The following RIMS2 variants were observed in gnomAD, a reference collection of about 807,000 sequenced individuals.
The protein encoded by RIMS2 is regulating synaptic membrane exocytosis 2.
Under a neutral mutation model 174.4 loss-of-function variants are expected in RIMS2, and 59 were observed. That is an observed-to-expected ratio of 0.34 (90% CI 0.27 to 0.42). The LOEUF (loss-of-function observed/expected upper bound fraction) is 0.42, where lower values mean the gene tolerates loss of function less well. Ranked by LOEUF, RIMS2 falls within the 10% of genes least tolerant of loss-of-function variation. RIMS2 has a pLI of 1.00. For synonymous variants in RIMS2, 606 were observed against 572.5 expected (o/e 1.06, Z -0.84); for missense variants, 1,620 against 1,666.3 (o/e 0.97, Z 0.48).
intron 19 of RIMS2, among the ~76,000 whole-genome samples, chr8:104,188,822 T>C (rs1280521538): frequency 1.3e-5 from 2 of 151,904 alleles, no homozygotes; most frequent in Admixed American, 6.6e-5. Context: ...AGGCTTTCTA[T>C]GATAAACATA....
chr8:104,249,421 T>C, intron 21 of RIMS2, 66 bp from the exon 28 acceptor site: 1 of 796,726 alleles, frequency 1.3e-6, no homozygotes, highest in Non-Finnish European at 2.2e-6. Context: ...AACCAAGGTC[T>C]TTGACTCTAT....
intron 19 of RIMS2, among the ~76,000 whole-genome samples, chr8:104,190,567 A>G (rs184695410): frequency 4.5e-4 from 69 of 152,196 alleles, no homozygotes; most frequent in Non-Finnish European, 7.1e-4. Flanking sequence ...CAAGTCTCCA[A>G]ATATTTTGAT....
intron 14 of RIMS2, among the ~76,000 whole-genome samples, chr8:103,951,916 G>A (rs966438095): frequency 6.6e-6 from 1 of 152,194 alleles, no homozygotes; most frequent in East Asian, 1.9e-4. Flanking sequence ...GCTTGGTGTG[G>A]GGAGTTGCAT....
chr8:104,040,443 A>G (rs562798521), intron 19 of RIMS2, among the ~76,000 whole-genome samples: 1 of 151,752 alleles, frequency 6.6e-6, no homozygotes, highest in South Asian at 2.1e-4. Context: ...TTTCCAAGTC[A>G]CTGTATAAAA....
At chr8:103,697,479 C>T (rs111318392) in intron 2 of RIMS2, among the ~76,000 whole-genome samples, 183 bp downstream of exon 4, 1,768 of 150,624 alleles carry the variant, frequency 0.012, 33 homozygotes, top group African/African-American at 0.039. Flanking sequence ...TAGGCCAAGG[C>T]GGGCGGATCA....
At chr8:104,238,256 C>A (rs2139682412) in intron 19 of RIMS2, among the ~76,000 whole-genome samples, 1 of 151,932 alleles carries the variant, frequency 6.6e-6, no homozygotes, top group South Asian at 2.1e-4. Context: ...AATGAGAACA[C>A]AGGGACACAG....
At chr8:103,570,976 A>G (rs1378382425) in intron 1 of RIMS2, among the ~76,000 whole-genome samples, 16 of 152,156 alleles carry the variant, frequency 1.1e-4, no homozygotes, top group Admixed American at 1.0e-3. Flanking sequence ...AATATTTTGG[A>G]GCCTTCTTTG....
intron 3 of RIMS2, among the ~76,000 whole-genome samples, chr8:103,862,725 T>C (rs977674361): frequency 6.6e-6 from 1 of 152,090 alleles, no homozygotes; most frequent in Admixed American, 6.6e-5. Context: ...TATTTTGTTG[T>C]GGCTATTGTA....
chr8:103,691,496 A>G (rs10110162), intron 1 of RIMS2, among the ~76,000 whole-genome samples: 26,894 of 152,106 alleles, frequency 0.18, 2,585 homozygotes, highest in African/African-American at 0.24. Flanking sequence ...TATGTCAGTT[A>G]CATTTTTCAA....
intron 19 of RIMS2, among the ~76,000 whole-genome samples, chr8:104,055,669 A>T (rs918626299): frequency 8.5e-5 from 13 of 152,200 alleles, no homozygotes; most frequent in South Asian, 6.2e-4. Context: ...AAGTTACTAG[A>T]AGGTTAGTAA....
At chr8:103,583,621 G>C (rs1395115293) in intron 1 of RIMS2, among the ~76,000 whole-genome samples, 5 of 152,158 alleles carry the variant, frequency 3.3e-5, no homozygotes, top group Admixed American at 3.3e-4. Flanking sequence ...TCAAGACTCT[G>C]AAGAATGTAA....
chr8:104,069,463 C>CTTTTTTTT (rs71297250), intron 19 of RIMS2, among the ~76,000 whole-genome samples: 10 of 91,968 alleles, frequency 1.1e-4, no homozygotes, highest in African/African-American at 2.1e-4. Flanking sequence ...ATTAATTGTT[C>CTTTTTTTT]TTTTTTTTTT....
At chr8:103,584,553 T>C (rs1294664424) in intron 1 of RIMS2, among the ~76,000 whole-genome samples, 1 of 152,110 alleles carries the variant, frequency 6.6e-6, no homozygotes, top group African/African-American at 2.4e-5. Flanking sequence ...TCAGTACAAA[T>C]TATTTATGAA....
At chr8:103,809,176 T>C (rs1384265318) in intron 3 of RIMS2, among the ~76,000 whole-genome samples, 4 of 152,138 alleles carry the variant, frequency 2.6e-5, no homozygotes, top group East Asian at 1.9e-4. Flanking sequence ...TACATCTTTA[T>C]ATATGAGTAT....
At chr8:104,044,805 G>A (rs1401064905) in intron 19 of RIMS2, among the ~76,000 whole-genome samples, 3 of 151,636 alleles carry the variant, frequency 2.0e-5, no homozygotes, top group African/African-American at 7.3e-5. Context: ...ATGTTAACCA[G>A]CATTGTGTTT....
chr8:104,147,363 T>G (rs2133918972), intron 19 of RIMS2, among the ~76,000 whole-genome samples: 1 of 152,238 alleles, frequency 6.6e-6, no homozygotes, highest in South Asian at 2.1e-4. Flanking sequence ...ATTTTTTAAA[T>G]TTCACACTGG....
chr8:103,839,936 C>G (rs1210033659), intron 3 of RIMS2, among the ~76,000 whole-genome samples: 1 of 152,192 alleles, frequency 6.6e-6, no homozygotes, highest in Non-Finnish European at 1.5e-5. Flanking sequence ...TAACACCGGA[C>G]TGTGTTTCTT....
intron 16 of RIMS2, among the ~76,000 whole-genome samples, chr8:103,984,907 C>T (rs943809366): frequency 2.6e-5 from 4 of 152,102 alleles, no homozygotes; most frequent in African/African-American, 4.8e-5. Context: ...AACTGGAGGT[C>T]GTTATATCAA....
At chr8:104,177,171 C>A (rs1028643952) in intron 19 of RIMS2, among the ~76,000 whole-genome samples, 4 of 151,966 alleles carry the variant, frequency 2.6e-5, no homozygotes, top group African/African-American at 9.7e-5. Context: ...TGAAATAAGA[C>A]AGGTAGTAAG....
Sources: allele counts gnomAD v4.1 joint callset (sites outside exome capture counted in the v4.1 genomes callset), GRCh38; gene constraint gnomAD v4.1.1; transcripts MANE v1.5; gene names NCBI Gene and HGNC (gene_info 2026-07-23, HGNC 2026-07-21).